Variants in RPP30 observed in about 807,000 individuals in gnomAD.
The protein encoded by RPP30 is ribonuclease P protein subunit p30.
In RPP30, 36 loss-of-function variants were observed where a neutral mutation model predicts 38.6. The ratio of observed to expected loss-of-function variants is 0.93; its 90% CI spans 0.71 to 1.23. The LOEUF (loss-of-function observed/expected upper bound fraction) is 1.23, where lower values mean the gene tolerates loss of function less well. Among genes scored for constraint, RPP30 ranks in the 50% most tolerant of loss-of-function variants. The pLI, the probability that RPP30 is intolerant of heterozygous loss-of-function variation, is 0.00. For missense variants in RPP30, 321 were observed against 321.7 expected, an observed-to-expected ratio of 1.00 and a Z score of 0.02; for synonymous variants, 126 against 112.7, an observed-to-expected ratio of 1.12 and a Z score of -0.75.
At chr10:90,884,257 A>T (rs1263897285) in intron 5 of RPP30, among the ~76,000 whole-genome samples, 1 of 152,004 alleles carries the variant, frequency 6.6e-6, no homozygotes, top group Non-Finnish European at 1.5e-5. Flanking sequence ...TCTATAGGAG[A>T]CTCCACTTAT....
At chr10:90,875,743 T>G in intron 3 of RPP30, 129 bp downstream of exon 3, 2 of 765,440 alleles carry the variant, frequency 2.6e-6, no homozygotes, top group South Asian at 1.6e-5. Context: ...TCCTCAAGGC[T>G]CAGCTCTTCA....
At chr10:90,895,376 A>T in intron 7 of RPP30, 78 bp from the exon 8 acceptor site, 1 of 797,076 alleles carries the variant, frequency 1.3e-6, no homozygotes, top group Non-Finnish European at 2.0e-6. Flanking sequence ...TTAAAATATG[A>T]TTACTGGCTA....
intron 4 of RPP30, among the ~76,000 whole-genome samples, 181 bp downstream of exon 4, chr10:90,876,279 C>G (rs1846851356): frequency 6.6e-6 from 1 of 152,182 alleles, no homozygotes; most frequent in Non-Finnish European, 1.5e-5. Flanking sequence ...TCCACTTACT[C>G]ATGGCACATG....
chr10:90,908,322 T>C (rs1470761816), exon 5 of RPP30: 3 of 152,166 alleles, frequency 2.0e-5, no homozygotes, highest in Non-Finnish European at 4.4e-5. Context: ...TTACCACAGG[T>C]CTTAGGACCT....
intron 6 of RPP30, among the ~76,000 whole-genome samples, chr10:90,887,386 A>ATT (rs1267063795): frequency 6.3e-5 from 9 of 143,466 alleles, no homozygotes; most frequent in Admixed American, 7.0e-5. Flanking sequence ...TGTTGGGTAA[A>ATT]TTTTTTTTTT....
chr10:90,896,273 T>G (rs1278146321), intron 9 of RPP30, 40 bp from the exon 10 acceptor site: 1 of 1,575,248 alleles, frequency 6.3e-7, no homozygotes, highest in South Asian at 1.1e-5. Context: ...TCTCGTGTCC[T>G]TGGGTGACTC....
chr10:90,902,131 T>A lies in RPP30; in HGVS notation c.*1452T>A, dbSNP rs986341197. 1.8e-4 allele frequency: 181 copies of A among 993,350 alleles called. No individual in the cohort carries two copies. The highest frequency in any genetic ancestry group is 3.7e-4 in the Admixed American group (6 of 16,430). The allele number at this position is 993,350 out of a possible 1,614,324, so 61.5% of individuals were successfully genotyped here. The stretch of plus-strand genomic sequence containing the variant: ...ACAGTTTTAAAAAGAGAAAGCTTTA[T>A]AACCTCACCAATGAATACAAATGTT... On this transcript the variant is annotated 3_prime_UTR_variant, in exon 11 of 11. Transcript: ENST00000371703.
At chr10:90,874,393 T>A (rs1306932641) in intron 1 of RPP30, among the ~76,000 whole-genome samples, 1 of 151,812 alleles carries the variant, frequency 6.6e-6, no homozygotes, top group Non-Finnish European at 1.5e-5. Context: ...AGTAGAAGGA[T>A]AAAAAGCAAA....
rs780431512 is a variant in RPP30, at chr10:90,874,895, C to A, written c.109C>A (p.His37Asn). Reference sequence around the variant, plus strand: ...TGGCTATTCAGTTGTTGCTATCAATCATATCGTTGACTTTAAGGAAAAGAA... The same window carrying A: ...TGGCTATTCAGTTGTTGCTATCAATAATATCGTTGACTTTAAGGAAAAGAA... ...HLGYSVVAIN[H>N]IVDFKEKKQE... Residue 37 changes from histidine (H) to asparagine (N), a missense_variant, in exon 2 of 11, where the codon CAT (histidine) becomes AAT (asparagine). Physicochemically the swap from His to Asn is moderately conservative, Grantham distance 68 (BLOSUM62 1). Coordinates refer to ENST00000371703, the MANE Select transcript of RPP30 (RefSeq NM_006413.5). 3 of 1,595,176 alleles carry A rather than the reference C, an allele frequency of 1.9e-6. No homozygotes were observed. Among genetic ancestry groups the A allele is most frequent in the Non-Finnish European group, 2.6e-6 (3 of 1,168,094 alleles).
At position 90,900,980 on chromosome 10, in the gene RPP30, T is replaced by C. The variant is rs1198588226; in HGVS notation, c.*301T>C. On this transcript the variant is annotated 3_prime_UTR_variant, in exon 11 of 11. Coordinates refer to ENST00000371703, the MANE Select transcript of RPP30 (RefSeq NM_006413.5). ...ACTTGAATAAAATGTTTCAGGTATT[T>C]TTGTTTCATTTTGTTTTTGAGATAG... The C allele has an allele frequency of 9.7e-7, 1 of 1,036,162 alleles. No individual in the cohort carries two copies. The highest frequency in any genetic ancestry group is 1.7e-5 in the African/African-American group (1 of 58,518). 64.2% of individuals were successfully genotyped at this position (1,036,162 alleles called of 1,614,324 possible).
intron 6 of RPP30, among the ~76,000 whole-genome samples, chr10:90,892,351 A>C (rs1847091012): frequency 6.6e-6 from 1 of 152,188 alleles, no homozygotes; most frequent in Non-Finnish European, 1.5e-5. Context: ...AAATATTCAC[A>C]ACCTTCAATA....
downstream of RPP30, among the ~76,000 whole-genome samples, chr10:90,907,184 A>G (rs1030251424): frequency 6.6e-6 from 1 of 152,250 alleles, no homozygotes; most frequent in African/African-American, 2.4e-5. Context: ...AGTTGGTCAC[A>G]TGGTGGTAAC....
chr10:90,882,741 A>C (rs1846947158), intron 5 of RPP30, among the ~76,000 whole-genome samples: 1 of 152,178 alleles, frequency 6.6e-6, no homozygotes, highest in African/African-American at 2.4e-5. Context: ...AGGCAGGATG[A>C]CCACTTGAGG....
At chr10:90,889,946 C>G (rs1385405709) in intron 6 of RPP30, among the ~76,000 whole-genome samples, 1 of 152,158 alleles carries the variant, frequency 6.6e-6, no homozygotes, top group Non-Finnish European at 1.5e-5. Flanking sequence ...GATTCCACTC[C>G]TTTTCTTGAA....
At chr10:90,879,402 A>G (rs1204338568) in intron 5 of RPP30, among the ~76,000 whole-genome samples, 1 of 152,146 alleles carries the variant, frequency 6.6e-6, no homozygotes, top group Admixed American at 6.5e-5. Flanking sequence ...TGCTTCATTC[A>G]TTCAAAACTT....
At chr10:90,897,481 A>G (rs1847153800) in intron 10 of RPP30, among the ~76,000 whole-genome samples, 1 of 152,208 alleles carries the variant, frequency 6.6e-6, no homozygotes, top group Admixed American at 6.5e-5. Flanking sequence ...TGTATTATGT[A>G]GCCTAGAACT....
chr10:90,893,815 A>G (rs866807201), intron 6 of RPP30, among the ~76,000 whole-genome samples: 10 of 152,240 alleles, frequency 6.6e-5, no homozygotes, highest in African/African-American at 2.4e-4. Context: ...CTCCCCCACT[A>G]AAATGTAAGC....
intron 6 of RPP30, among the ~76,000 whole-genome samples, chr10:90,889,340 G>A (rs575120974): frequency 7.9e-6 from 1 of 126,468 alleles, no homozygotes; most frequent in East Asian, 2.4e-4. Flanking sequence ...ACAGAGTCTC[G>A]CTCTGTCCAC....
At chr10:90,878,996 T>C (rs1424931079) in intron 4 of RPP30, 67 bp from the exon 5 acceptor site, 26 of 1,295,434 alleles carry the variant, frequency 2.0e-5, no homozygotes, top group Non-Finnish European at 2.8e-5. Flanking sequence ...TGTGAGTCAA[T>C]CACTAGACAG....
Sources: gnomAD v4.1 joint callset for allele counts (sites outside exome capture counted in the v4.1 genomes callset) on GRCh38, gnomAD v4.1.1 for gene constraint, MANE v1.5 for transcripts, NCBI Gene and HGNC (gene_info 2026-07-23, HGNC 2026-07-21) for gene names.